Variants in PPP2R2B observed in about 807,000 individuals in gnomAD.
The protein encoded by PPP2R2B is protein phosphatase 2 regulatory subunit Bbeta.
A neutral mutation model predicts 46.0 loss-of-function variants in PPP2R2B; 5 were observed. The observed-to-expected ratio is 0.11, with a 90% CI of 0.06 to 0.23. The LOEUF (loss-of-function observed/expected upper bound fraction) is 0.23. Among genes scored for constraint, PPP2R2B ranks in the 10% least tolerant of loss-of-function variants. PPP2R2B has a pLI of 1.00. For synonymous variants in PPP2R2B, 215 were observed against 206.7 expected, an observed-to-expected ratio of 1.04 and a Z score of -0.34; for missense variants, 367 against 575.0, an observed-to-expected ratio of 0.64 and a Z score of 3.70.
At chr5:146,599,000 G>A (rs1771513497) in intron 8 of PPP2R2B, among the ~76,000 whole-genome samples, 2 of 152,282 alleles carry the variant, frequency 1.3e-5, no homozygotes, top group African/African-American at 4.8e-5. Context: ...AGGAAAAAAT[G>A]TAAGTCAAAT....
At chr5:146,881,289 G>A (rs557306736), upstream of PPP2R2B, among the ~76,000 whole-genome samples, 6 of 152,028 alleles carry the variant, frequency 3.9e-5, no homozygotes, top group East Asian at 5.8e-4. Context: ...CCTGACTTCC[G>A]GTGTTTTCTG....
chr5:146,986,939 A>G (rs1181933249), intron 1 of PPP2R2B, among the ~76,000 whole-genome samples: 3 of 152,306 alleles, frequency 2.0e-5, no homozygotes, highest in Non-Finnish European at 2.9e-5. Context: ...CAACTCAAAC[A>G]AGACTATCTT....
In PPP2R2B at chr5:147,042,146, A is replaced by G. The variant is rs186391546; in HGVS notation, c.79+13519T>C. Among the ~76,000 whole-genome samples the G allele has an allele frequency of 1.2e-4, 19 of 152,270 alleles. No homozygotes were observed. In the East Asian group the frequency reaches 3.5e-3, roughly 28 times the overall value. ...ATAGTCTTAAAGCCCCTGCACCTGG[A>G]ACTGTTTACTTTCCTGTAACCATTT... On this transcript the variant is annotated intron_variant, in intron 1 of 8. Transcript: ENST00000336640.
At chr5:146,668,001 A>C (rs1777112866) in intron 5 of PPP2R2B, among the ~76,000 whole-genome samples, 1 of 152,172 alleles carries the variant, frequency 6.6e-6, no homozygotes, top group Non-Finnish European at 1.5e-5. Context: ...CCATATTCGT[A>C]ATCACATCCA....
At chr5:146,958,262 T>C (rs1396937290) in intron 1 of PPP2R2B, among the ~76,000 whole-genome samples, 1 of 152,164 alleles carries the variant, frequency 6.6e-6, no homozygotes, top group Non-Finnish European at 1.5e-5. Flanking sequence ...AGCCCTTATC[T>C]GGGTCCTTGG....
At chr5:146,706,428 T>C in intron 2 of PPP2R2B, 1 of 964,650 alleles carries the variant, frequency 1.0e-6, no homozygotes, top group African/African-American at 1.6e-5. Flanking sequence ...TGGATACTCA[T>C]GTTCTCCATC....
chr5:147,012,913 G>T (rs1316283115), intron 1 of PPP2R2B, among the ~76,000 whole-genome samples: 2 of 152,112 alleles, frequency 1.3e-5, no homozygotes, highest in East Asian at 3.9e-4. Flanking sequence ...TTAATCCTGA[G>T]TTCTAGTTTG....
At chr5:146,626,894 T>G (rs574822460) in intron 7 of PPP2R2B, among the ~76,000 whole-genome samples, 1 of 152,278 alleles carries the variant, frequency 6.6e-6, no homozygotes, top group Admixed American at 6.5e-5. Flanking sequence ...CTTAGCAAAA[T>G]CCACTCAACT....
chr5:146,944,157 G>T (rs1053121263), intron 1 of PPP2R2B, among the ~76,000 whole-genome samples: 1 of 152,088 alleles, frequency 6.6e-6, no homozygotes, highest in African/African-American at 2.4e-5. Flanking sequence ...GTTCCATAAT[G>T]GTCTCATTAC....
At chr5:146,624,327 C>T (rs1773898483) in intron 7 of PPP2R2B, among the ~76,000 whole-genome samples, 1 of 152,200 alleles carries the variant, frequency 6.6e-6, no homozygotes, top group East Asian at 1.9e-4. Context: ...TTGTTGTGAA[C>T]TCGCTCTATG....
chr5:146,723,369 C>G (rs1170121820), intron 2 of PPP2R2B, among the ~76,000 whole-genome samples: 1 of 152,294 alleles, frequency 6.6e-6, no homozygotes, highest in South Asian at 2.1e-4. Flanking sequence ...TAAGAAATCA[C>G]TTCCCTTTGA....
chr5:146,744,368 T>A (rs1753051350), intron 2 of PPP2R2B, among the ~76,000 whole-genome samples: 1 of 152,192 alleles, frequency 6.6e-6, no homozygotes, highest in African/African-American at 2.4e-5. Flanking sequence ...GAGGAAATCA[T>A]CATTTTTGGC....
chr5:146,660,778 C>A (rs887695064), intron 5 of PPP2R2B, among the ~76,000 whole-genome samples: 1 of 152,160 alleles, frequency 6.6e-6, no homozygotes, highest in African/African-American at 2.4e-5. Context: ...TGTTTCAGGT[C>A]ATTAAATATC....
intron 1 of PPP2R2B, among the ~76,000 whole-genome samples, chr5:146,961,880 G>C (rs1265242946): frequency 6.6e-6 from 1 of 151,884 alleles, no homozygotes; most frequent in African/African-American, 2.4e-5. Context: ...GTCAAATAAA[G>C]TGGTCTGACT....
At chr5:146,721,927 T>C (rs1459812244) in intron 2 of PPP2R2B, among the ~76,000 whole-genome samples, 1 of 152,178 alleles carries the variant, frequency 6.6e-6, no homozygotes, top group Non-Finnish European at 1.5e-5. Context: ...ACTACTAATA[T>C]AGATGTAGAG....
intron 2 of PPP2R2B, among the ~76,000 whole-genome samples, chr5:146,837,043 A>G (rs760108979): frequency 2.0e-5 from 3 of 152,250 alleles, no homozygotes; most frequent in Non-Finnish European, 2.9e-5. Flanking sequence ...AGAGTTTAAA[A>G]TTTAGAAGGA....
intron 5 of PPP2R2B, among the ~76,000 whole-genome samples, chr5:146,683,314 G>C (rs1280732336): frequency 6.6e-6 from 1 of 152,164 alleles, no homozygotes; most frequent in Non-Finnish European, 1.5e-5. Flanking sequence ...TGAATATTCA[G>C]ATGCATATAT....
intron 1 of PPP2R2B, among the ~76,000 whole-genome samples, chr5:146,986,096 A>G (rs945136122): frequency 6.6e-6 from 1 of 152,202 alleles, no homozygotes. Flanking sequence ...TGATTTTACC[A>G]TAATAACAAG....
rs535846457 is a variant in PPP2R2B, at chr5:146,723,478, G to A, written c.71-22336C>T. Among the ~76,000 whole-genome samples the A allele has an allele frequency of 5.0e-4, 76 of 152,232 alleles. 1 individual carries two copies. The highest frequency in any genetic ancestry group is 9.6e-4 in the Non-Finnish European group (65 of 68,016). On this transcript the variant is annotated intron_variant, in intron 2 of 9. Coordinates refer to ENST00000394411, the MANE Select transcript of PPP2R2B (RefSeq NM_181675.4). The stretch of plus-strand genomic sequence containing the variant: ...TCTTACGGAGTCCTAAAACTGTCCT[G>A]TACCTTTATGTGGGTAATGGTGACA...
Sources: gnomAD v4.1 joint callset for allele counts (sites outside exome capture counted in the v4.1 genomes callset) on GRCh38, gnomAD v4.1.1 for gene constraint, MANE v1.5 for transcripts, NCBI Gene and HGNC (gene_info 2026-07-23, HGNC 2026-07-21) for gene names.